SYTL5: variants seen among roughly 807,000 people sequenced by gnomAD.
SYTL5 encodes the protein synaptotagmin like 5.
SYTL5 carries 34 observed loss-of-function variants against 55.9 expected under a neutral mutation model. The ratio of observed to expected loss-of-function variants is 0.61; its 90% CI spans 0.46 to 0.81. SYTL5 has a LOEUF of 0.81. SYTL5 is among the 30% of genes least tolerant of loss of function. The pLI is 0.00. For missense variants in SYTL5, 637 were observed against 546.7 expected (o/e 1.17, Z -1.65); for synonymous variants, 221 against 188.7 (o/e 1.17, Z -1.40).
At chrX:37,962,929 G>A in the SYTL5 span, among the ~76,000 whole-genome samples, 1 of 111,263 alleles carries the variant, frequency 9.0e-6, no homozygotes. Flanking sequence ...ACAAAATTGG[G>A]GATTAAATTT....
At chrX:37,918,072 G>A in the SYTL5 span, among the ~76,000 whole-genome samples, 1 of 111,250 alleles carries the variant, frequency 9.0e-6, no homozygotes, top group Non-Finnish European at 1.9e-5. Flanking sequence ...TTTATTTGAA[G>A]GTATTAGGTG....
intron 15 of SYTL5, among the ~76,000 whole-genome samples, chrX:38,124,613 C>T: frequency 1.8e-5 from 2 of 111,198 alleles, no homozygotes; most frequent in Middle Eastern, 4.6e-3. Context: ...TCAGGAAACA[C>T]CAGTGAGGAA....
At chrX:37,989,373 G>T in the SYTL5 span, among the ~76,000 whole-genome samples, 1 of 112,079 alleles carries the variant, frequency 8.9e-6, no homozygotes, top group Admixed American at 9.4e-5. Flanking sequence ...AGGAAGAAAT[G>T]AAAGAAGTCT....
chrX:37,969,942 T>C, the SYTL5 span, among the ~76,000 whole-genome samples: 4 of 112,231 alleles, frequency 3.6e-5, no homozygotes, highest in African/African-American at 9.7e-5. Context: ...CCTGGCCTTT[T>C]CAAAAGAGAA....
intron 2 of SYTL5, among the ~76,000 whole-genome samples, chrX:38,053,324 A>C (rs746053727): frequency 8.9e-6 from 1 of 112,795 alleles, no homozygotes; most frequent in Non-Finnish European, 1.9e-5. Flanking sequence ...ACCAAGCAGC[A>C]TGCTGGGAAC....
At chrX:37,935,232 A>C in the SYTL5 span, among the ~76,000 whole-genome samples, 1 of 112,056 alleles carries the variant, frequency 8.9e-6, no homozygotes, top group Non-Finnish European at 1.9e-5. Flanking sequence ...TAAGACACTA[A>C]GACTTCTATA....
chrX:38,102,989 C>A, intron 10 of SYTL5: 1 of 1,026,827 alleles, frequency 9.7e-7, no homozygotes, highest in Non-Finnish European at 1.3e-6. Flanking sequence ...TGCTCTGATG[C>A]TTTTTTTCTT....
At chrX:38,082,015 C>T (rs1356706139) in intron 6 of SYTL5, among the ~76,000 whole-genome samples, 1 of 111,803 alleles carries the variant, frequency 8.9e-6, no homozygotes, top group Non-Finnish European at 1.9e-5. Flanking sequence ...GCTCTCAGAC[C>T]TCCTTCAAAG....
intron 4 of SYTL5, among the ~76,000 whole-genome samples, chrX:38,072,528 A>T (rs1222594481): frequency 8.9e-6 from 1 of 112,381 alleles, no homozygotes; most frequent in Non-Finnish European, 1.9e-5. Flanking sequence ...ATTTTTCAAC[A>T]ATATTTATTT....
At chrX:37,940,604 G>GTATATATATATATA in the SYTL5 span, among the ~76,000 whole-genome samples, 10 of 94,854 alleles carry the variant, frequency 1.1e-4, no homozygotes, top group African/African-American at 3.4e-4. Context: ...AGGTGTGTAT[G>GTATATATATATATA]TATATATATA....
At chrX:37,921,098 C>T in the SYTL5 span, among the ~76,000 whole-genome samples, 2 of 111,375 alleles carry the variant, frequency 1.8e-5, no homozygotes, top group African/African-American at 3.3e-5. Flanking sequence ...TTGATCTACT[C>T]GCTTGACTGA....
Position 38,125,471 on chromosome X carries a change from T to A in SYTL5, c.2015T>A (p.Ile672Asn), listed in dbSNP as rs765674083. Residue 672 changes from isoleucine (I) to asparagine (N), a missense_variant, in exon 16 of 17, where the codon ATC (isoleucine) becomes AAC (asparagine). Transcript: ENST00000297875. ...IWDKEAFSSNIFLGGVRLNSG... is the reference protein window; with the variant it reads ...IWDKEAFSSNNFLGGVRLNSG... Reference sequence around the variant, plus strand: ...GACAAGGAGGCCTTTTCCAGCAACATCTTTCTGGGAGGAGTTCGTTTGAAT... The same window carrying A: ...GACAAGGAGGCCTTTTCCAGCAACAACTTTCTGGGAGGAGTTCGTTTGAAT... 3 of 1,211,639 alleles carry A rather than the reference T, an allele frequency of 2.5e-6. No homozygotes were observed. Among genetic ancestry groups the A allele is most frequent in the Non-Finnish European group, 3.4e-6 (3 of 895,330 alleles).
At chrX:38,059,525 T>A (rs1299347453) in intron 3 of SYTL5, among the ~76,000 whole-genome samples, 1 of 111,857 alleles carries the variant, frequency 8.9e-6, no homozygotes, top group Non-Finnish European at 1.9e-5. Context: ...TGAGGGCTGA[T>A]CTGTTTCTGG....
At chrX:38,059,916 T>C (rs1935898469) in intron 3 of SYTL5, among the ~76,000 whole-genome samples, 1 of 111,468 alleles carries the variant, frequency 9.0e-6, no homozygotes, top group South Asian at 3.8e-4. Context: ...TTAGTATTTA[T>C]TTTTGTCATT....
At chrX:37,955,465 G>A in the SYTL5 span, among the ~76,000 whole-genome samples, 2 of 112,135 alleles carry the variant, frequency 1.8e-5, no homozygotes, top group Admixed American at 1.9e-4. Context: ...TGCAAAATGA[G>A]TGAGGTAAAA....
intron 1 of SYTL5, among the ~76,000 whole-genome samples, chrX:38,033,271 G>A (rs935303566): frequency 9.0e-6 from 1 of 111,545 alleles, no homozygotes; most frequent in African/African-American, 3.3e-5. Context: ...GAGTGGCGAC[G>A]TGATGCAGCT....
chrX:38,049,554 G>A (rs1317471798), intron 2 of SYTL5, among the ~76,000 whole-genome samples: 1 of 110,719 alleles, frequency 9.0e-6, no homozygotes. Context: ...CCAGCTTCAG[G>A]AAAAAGAGAA....
At chrX:38,020,418 T>C (rs1242847468) in intron 1 of SYTL5, among the ~76,000 whole-genome samples, 2 of 74,232 alleles carry the variant, frequency 2.7e-5, no homozygotes, top group African/African-American at 1.2e-4. Flanking sequence ...CATATATATA[T>C]ATATATATAT....
intron 2 of SYTL5, among the ~76,000 whole-genome samples, chrX:38,043,690 T>TATATACAC (rs1366385489): frequency 0.023 from 1,598 of 69,461 alleles, 40 homozygotes; most frequent in Non-Finnish European, 0.029. Context: ...TATATATATA[T>TATATACAC]ACATATATAT....
Sources: allele counts gnomAD v4.1 joint callset (sites outside exome capture counted in the v4.1 genomes callset), GRCh38; gene constraint gnomAD v4.1.1; transcripts MANE v1.5; gene names NCBI Gene and HGNC (gene_info 2026-07-23, HGNC 2026-07-21).